The following ABTB3 variants were observed in gnomAD, a reference collection of about 807,000 sequenced individuals.
ABTB3 encodes ankyrin repeat and BTB domain containing 3, also known as ankyrin repeat- and BTB/POZ domain-containing protein 3.
chr12:107,561,159 T>C, the ABTB3 span, among the ~76,000 whole-genome samples: 6 of 152,308 alleles, frequency 3.9e-5, no homozygotes, highest in African/African-American at 1.2e-4. Flanking sequence ...CCCGTTGCTC[T>C]GTATTAGTCC....
the ABTB3 span, among the ~76,000 whole-genome samples, chr12:107,378,626 C>G: frequency 6.6e-6 from 1 of 152,172 alleles, no homozygotes; most frequent in African/African-American, 2.4e-5. Context: ...CTCACCTTGT[C>G]CCCTTACGGC....
the ABTB3 span, among the ~76,000 whole-genome samples, chr12:107,563,960 C>T: frequency 6.6e-6 from 1 of 152,100 alleles, no homozygotes. Context: ...ACCAGATTTC[C>T]ATGTTAGTGC....
chr12:107,439,273 G>A, the ABTB3 span, among the ~76,000 whole-genome samples: 1 of 152,110 alleles, frequency 6.6e-6, no homozygotes, highest in Admixed American at 6.5e-5. Context: ...CGGTTTGACT[G>A]GACCTGGGTC....
chr12:107,520,510 C>G, the ABTB3 span: 3 of 1,614,044 alleles, frequency 1.9e-6, no homozygotes, highest in Non-Finnish European at 2.5e-6. Flanking sequence ...ACCAGACAGC[C>G]TGAATCTTCA....
At chr12:107,548,674 TATA>T in the ABTB3 span, among the ~76,000 whole-genome samples, 2 of 152,240 alleles carry the variant, frequency 1.3e-5, no homozygotes, top group African/African-American at 2.4e-5. Context: ...AGACAAATTT[TATA>T]ATATTTACGA....
the ABTB3 span, among the ~76,000 whole-genome samples, chr12:107,625,148 T>C: frequency 2.0e-5 from 3 of 152,250 alleles, no homozygotes. Flanking sequence ...GAAATGTCTC[T>C]TTGTATCTTA....
At chr12:107,642,107 C>G in the ABTB3 span, 1 of 1,613,896 alleles carries the variant, frequency 6.2e-7, no homozygotes, top group Non-Finnish European at 8.5e-7. Flanking sequence ...GCACTCCTCT[C>G]CAGCAAGCCG....
the ABTB3 span, among the ~76,000 whole-genome samples, chr12:107,437,403 T>C: frequency 1.1e-3 from 4 of 3,588 alleles, no homozygotes. Context: ...TCTTTTTTCT[T>C]TTTTTTTTTT....
the ABTB3 span, among the ~76,000 whole-genome samples, chr12:107,431,081 A>C: frequency 6.6e-6 from 1 of 152,262 alleles, no homozygotes; most frequent in Non-Finnish European, 1.5e-5. Context: ...TATTTCTAGT[A>C]AATGCATCAG....
At chr12:107,541,693 T>TG in the ABTB3 span, among the ~76,000 whole-genome samples, 1 of 152,230 alleles carries the variant, frequency 6.6e-6, no homozygotes, top group African/African-American at 2.4e-5. Flanking sequence ...TCAAAGTCTA[T>TG]TGATTTAAAT....
chr12:107,346,771 AT>A, the ABTB3 span, among the ~76,000 whole-genome samples: 1 of 151,986 alleles, frequency 6.6e-6, no homozygotes, highest in Admixed American at 6.6e-5. Flanking sequence ...TCTGCTCTTA[AT>A]TTTTTGTCAA....
chr12:107,409,948 A>C, the ABTB3 span, among the ~76,000 whole-genome samples: 2 of 152,238 alleles, frequency 1.3e-5, no homozygotes, highest in African/African-American at 2.4e-5. Context: ...TAAGATTCCC[A>C]AAATGGTGAC....
chr12:107,505,510 G>A, the ABTB3 span, among the ~76,000 whole-genome samples: 1 of 152,148 alleles, frequency 6.6e-6, no homozygotes, highest in South Asian at 2.1e-4. Flanking sequence ...GCAAATATTG[G>A]CTCGATTGGT....
the ABTB3 span, among the ~76,000 whole-genome samples, chr12:107,446,906 A>G: frequency 6.6e-6 from 1 of 152,232 alleles, no homozygotes; most frequent in Admixed American, 6.5e-5. Flanking sequence ...GCTAGTAGAA[A>G]GATTGAATGA....
chr12:107,625,434 T>A, the ABTB3 span, among the ~76,000 whole-genome samples: 1 of 152,206 alleles, frequency 6.6e-6, no homozygotes, highest in South Asian at 2.1e-4. Flanking sequence ...CCTTCTGCTT[T>A]AGCTGACCTT....
the ABTB3 span, among the ~76,000 whole-genome samples, chr12:107,372,158 CCT>C: frequency 6.6e-6 from 1 of 152,104 alleles, no homozygotes; most frequent in Non-Finnish European, 1.5e-5. Context: ...CCAATTCTGC[CCT>C]GTTGTCATCT....
chr12:107,510,562 CAG>C, the ABTB3 span, among the ~76,000 whole-genome samples: 1 of 151,886 alleles, frequency 6.6e-6, no homozygotes, highest in Non-Finnish European at 1.5e-5. Context: ...AGAAATAAAA[CAG>C]AGTGAGGGGA....
the ABTB3 span, among the ~76,000 whole-genome samples, chr12:107,625,903 T>A: frequency 6.6e-6 from 1 of 152,296 alleles, no homozygotes; most frequent in Non-Finnish European, 1.5e-5. Context: ...CCCACTTGAC[T>A]TTTGCTGGCA....
At chr12:107,411,264 C>T in the ABTB3 span, among the ~76,000 whole-genome samples, 1 of 152,206 alleles carries the variant, frequency 6.6e-6, no homozygotes, top group Non-Finnish European at 1.5e-5. Context: ...TGTGCCATTG[C>T]ACTCCAGCCT....
Sources: allele counts gnomAD v4.1 joint callset (sites outside exome capture counted in the v4.1 genomes callset), GRCh38; gene constraint gnomAD v4.1.1; transcripts MANE v1.5; gene names NCBI Gene and HGNC (gene_info 2026-07-23, HGNC 2026-07-21).